The following CHST11 variants were observed in gnomAD, a reference collection of about 807,000 sequenced individuals.
CHST11 encodes carbohydrate sulfotransferase 11.
Under a neutral mutation model 30.4 loss-of-function variants are expected in CHST11, and 9 were observed. That is an observed-to-expected ratio of 0.30 (90% CI 0.18 to 0.52). The LOEUF (loss-of-function observed/expected upper bound fraction) is 0.52. Ranked by LOEUF, CHST11 falls within the 20% of genes least tolerant of loss-of-function variation. The probability of loss-of-function intolerance (pLI) is 0.97; values close to 1 mark genes in which losing one functional copy is unlikely to be tolerated. For missense variants in CHST11, 348 were observed against 460.6 expected (o/e 0.76, Z 2.24); for synonymous variants, 152 against 187.8 (o/e 0.81, Z 1.56).
chr12:104,497,859 G>A (rs958914023), intron 1 of CHST11, among the ~76,000 whole-genome samples: 2 of 150,376 alleles, frequency 1.3e-5, no homozygotes, highest in African/African-American at 4.9e-5. Context: ...TGGGGCAAGT[G>A]CTCAGGGTCC....
chr12:104,587,941 C>T (rs1476009612), intron 1 of CHST11, among the ~76,000 whole-genome samples: 4 of 149,910 alleles, frequency 2.7e-5, no homozygotes, highest in African/African-American at 9.8e-5. Context: ...ACTTAGATTT[C>T]AGCTTAAAAT....
chr12:104,495,509 A>G (rs937882572), intron 1 of CHST11, among the ~76,000 whole-genome samples: 1 of 151,444 alleles, frequency 6.6e-6, no homozygotes, highest in Non-Finnish European at 1.5e-5. Context: ...TTTTTTTTTG[A>G]TAGTCACAGT....
At chr12:104,663,530 C>G (rs2039616093) in intron 2 of CHST11, among the ~76,000 whole-genome samples, 1 of 152,062 alleles carries the variant, frequency 6.6e-6, no homozygotes, top group Non-Finnish European at 1.5e-5. Flanking sequence ...ATGAATACTC[C>G]TAGCTTATAT....
At chr12:104,552,228 C>CTT (rs1326836670) in intron 1 of CHST11, 1 of 152,246 alleles carries the variant, frequency 6.6e-6, no homozygotes, top group Non-Finnish European at 1.5e-5. Flanking sequence ...AGATGAAACA[C>CTT]TTTGAGCTTC....
chr12:104,591,206 CT>C (rs1233727676), intron 1 of CHST11, among the ~76,000 whole-genome samples: 2 of 152,076 alleles, frequency 1.3e-5, no homozygotes, highest in African/African-American at 4.8e-5. Flanking sequence ...CATGGGGGGC[CT>C]CTGGGCCGTG....
chr12:104,612,098 C>T (rs1205416053), intron 2 of CHST11, among the ~76,000 whole-genome samples: 1 of 152,122 alleles, frequency 6.6e-6, no homozygotes, highest in African/African-American at 2.4e-5. Flanking sequence ...ATACGCACTG[C>T]GTGAAATGGA....
intron 1 of CHST11, among the ~76,000 whole-genome samples, chr12:104,594,695 G>T (rs748404702): frequency 6.6e-6 from 1 of 152,158 alleles, no homozygotes; most frequent in Non-Finnish European, 1.5e-5. Flanking sequence ...GGTGGCTCAC[G>T]CCTGTAATCC....
chr12:104,577,322 A>G (rs560609235), intron 1 of CHST11, among the ~76,000 whole-genome samples: 1 of 124,674 alleles, frequency 8.0e-6, no homozygotes, highest in South Asian at 2.6e-4. Context: ...AACCATTTTT[A>G]GTGTACAGTT....
Position 104,483,600 on chromosome 12 carries a change from TAAGAG to T in CHST11, c.118+26078_118+26082del, listed in dbSNP as rs530060166. On this transcript the variant is annotated intron_variant, in intron 1 of 2. Transcript: ENST00000303694. ...CATTCAGCCTGCCAATTTTGGATAA[TAAGAG>T]AAGAGAGTTCAGATACAAACTCCCC... Among the ~76,000 whole-genome samples the T allele has an allele frequency of 5.4e-4, 83 of 152,338 alleles. 1 individual carries two copies. In the South Asian group the frequency reaches 8.9e-3, roughly 16 times the overall value.
At chr12:104,544,154 G>GAAAGAAAT (rs2038316968) in intron 1 of CHST11, among the ~76,000 whole-genome samples, 3 of 30,956 alleles carry the variant, frequency 9.7e-5, no homozygotes, top group African/African-American at 2.4e-4. Flanking sequence ...AAGAAAGAAA[G>GAAAGAAAT]AAAGAAAGAA....
rs375320306 is a variant in CHST11 at position 104,645,149 on chromosome 12, A to G, written c.204+43158A>G. On this transcript the variant is annotated intron_variant, in intron 2 of 2. Coordinates refer to ENST00000303694, the MANE Select transcript of CHST11 (RefSeq NM_018413.6). ...TTTTTAGTAGAGACGGGGTTTCACC[A>G]TGTTAGCCAGGATGGTCTCGATCTC... 7.4e-3 allele frequency among the ~76,000 whole-genome samples: 1,124 copies of G among 152,106 alleles called. 12 individuals are homozygous for G. Among genetic ancestry groups the G allele is most frequent in the African/African-American group, 0.026 (1,076 of 41,470 alleles).
At chr12:104,550,803 GGAA>G (rs1158220688) in intron 1 of CHST11, among the ~76,000 whole-genome samples, 2 of 152,222 alleles carry the variant, frequency 1.3e-5, no homozygotes, top group Admixed American at 6.5e-5. Context: ...GGGTAAAAGA[GGAA>G]GAAGATGTCG....
At chr12:104,687,405 T>C (rs1187042578) in intron 2 of CHST11, among the ~76,000 whole-genome samples, 2 of 152,268 alleles carry the variant, frequency 1.3e-5, no homozygotes, top group African/African-American at 4.8e-5. Context: ...GCACTTACTA[T>C]GTACCACACA....
intron 1 of CHST11, among the ~76,000 whole-genome samples, chr12:104,571,133 G>A (rs1310728592): frequency 4.6e-5 from 7 of 151,826 alleles, no homozygotes. Flanking sequence ...GCAGGTGGTG[G>A]ACTCAGTAGT....
chr12:104,556,471 G>A (rs907096), intron 1 of CHST11, among the ~76,000 whole-genome samples: 9,510 of 152,170 alleles, frequency 0.062, 844 homozygotes, highest in East Asian at 0.47. Context: ...CTGGAGGCTC[G>A]AAGTCTGAGA....
At chr12:104,619,000 T>C (rs952487737) in intron 2 of CHST11, among the ~76,000 whole-genome samples, 1 of 152,234 alleles carries the variant, frequency 6.6e-6, no homozygotes, top group Non-Finnish European at 1.5e-5. Context: ...GGAAGGAGTA[T>C]ACAGAGCTTG....
At chr12:104,756,132 T>G (rs1200632836) in intron 2 of CHST11, among the ~76,000 whole-genome samples, 1 of 152,180 alleles carries the variant, frequency 6.6e-6, no homozygotes, top group African/African-American at 2.4e-5. Context: ...ATTAATATTA[T>G]TCCATTTATA....
At chr12:104,626,031 G>A (rs2039211060) in intron 2 of CHST11, among the ~76,000 whole-genome samples, 1 of 152,152 alleles carries the variant, frequency 6.6e-6, no homozygotes, top group African/African-American at 2.4e-5. Flanking sequence ...AGGAAATCGA[G>A]GCCCAGTGAG....
intron 1 of CHST11, among the ~76,000 whole-genome samples, chr12:104,521,853 T>G (rs888424508): frequency 3.3e-5 from 5 of 152,156 alleles, no homozygotes; most frequent in African/African-American, 9.7e-5. Flanking sequence ...CAGTGGGCAT[T>G]TTCTGCCTTT....
Sources: allele counts gnomAD v4.1 joint callset (sites outside exome capture counted in the v4.1 genomes callset), GRCh38; gene constraint gnomAD v4.1.1; transcripts MANE v1.5; gene names NCBI Gene and HGNC (gene_info 2026-07-23, HGNC 2026-07-21).